URB1: variants seen among roughly 807,000 people sequenced by gnomAD.
URB1 encodes the protein URB1 ribosome biogenesis factor.
URB1 carries 197 observed loss-of-function variants against 242.3 expected under a neutral mutation model. The ratio of observed to expected loss-of-function variants is 0.81; its 90% CI spans 0.72 to 0.91. URB1 has a LOEUF of 0.91. URB1 is among the 40% of genes least tolerant of loss of function. The pLI, the probability that URB1 is intolerant of heterozygous loss-of-function variation, is 0.00. For missense variants in URB1, 2,721 were observed against 2,860.5 expected, an observed-to-expected ratio of 0.95 and a Z score of 1.11; for synonymous variants, 1,153 against 1,201.8, an observed-to-expected ratio of 0.96 and a Z score of 0.84.
chr21:32,368,727 C>T (rs1192832305), intron 8 of URB1, 129 bp from the exon 9 acceptor site: 4 of 802,466 alleles, frequency 5.0e-6, no homozygotes, highest in African/African-American at 1.7e-5. Flanking sequence ...GGGAATTTCC[C>T]CCAGGACGTA....
Position 32,347,057 on chromosome 21 carries a change from C to G in URB1, c.3767G>C (p.Gly1256Ala). Residue 1256 changes from glycine (G) to alanine (A), a missense_variant, in exon 22 of 39, where the codon GGC becomes GCC. Coordinates refer to ENST00000382751, the MANE Select transcript of URB1 (RefSeq NM_014825.3). ...LWFEQWCLQA[G>A]PGLGLQGDLD... Reference sequence around the variant, plus strand: ...GTCCCCCTGGAGGCCGAGCCCTGGGCCAGCCTGCAGGCACCACTGCTCGAA... The same window carrying G: ...GTCCCCCTGGAGGCCGAGCCCTGGGGCAGCCTGCAGGCACCACTGCTCGAA... 6.5e-7 allele frequency: 1 copy of G among 1,550,276 alleles called. No individual in the cohort carries two copies. The highest frequency in any genetic ancestry group is 1.2e-5 in the South Asian group (1 of 83,994).
rs2033027403 is a variant in URB1, at chr21:32,341,393, T to TA, written c.4316+72dup. The TA allele has an allele frequency of 2.1e-6, 3 of 1,435,488 alleles. No homozygotes were observed. In the African/African-American group the frequency reaches 4.3e-5, roughly 20 times the overall value. 88.9% of individuals were successfully genotyped at this position (1,435,488 alleles called of 1,614,324 possible). The stretch of plus-strand genomic sequence containing the variant: ...CGTGGATTATGCTAATAACAAGCTA[T>TA]AAAAGAGGCTTTGCATGCTGAACGA... On this transcript the variant is annotated intron_variant, in intron 25 of 38. Coordinates refer to ENST00000382751, the MANE Select transcript of URB1 (RefSeq NM_014825.3).
Position 32,357,520 on chromosome 21 carries a change from T to A in URB1, c.1989+17A>T, listed in dbSNP as rs769366426. 1.3e-6 allele frequency: 2 copies of A among 1,493,974 alleles called. No homozygotes were observed. The highest frequency in any genetic ancestry group is 1.7e-4 in the Middle Eastern group (1 of 5,760). The allele number at this position is 1,493,974 out of a possible 1,614,324, so 92.5% of individuals were successfully genotyped here. On this transcript the variant is annotated intron_variant, in intron 15 of 38. Coordinates refer to ENST00000382751, the MANE Select transcript of URB1 (RefSeq NM_014825.3). ...CAAAATGCTTTTCAGAGTTAGAAAC[T>A]GGTAGAAAATGCTCACCTTCATGAT...
intron 30 of URB1, 56 bp downstream of exon 30, chr21:32,333,261 T>C: frequency 1.4e-6 from 2 of 1,398,004 alleles, no homozygotes; most frequent in Non-Finnish European, 2.0e-6. Context: ...ATAATCAACC[T>C]GACCTCTGAG....
At chr21:32,332,097 T>C (rs547331332) in intron 30 of URB1, among the ~76,000 whole-genome samples, 2 of 152,298 alleles carry the variant, frequency 1.3e-5, no homozygotes, top group East Asian at 3.9e-4. Context: ...ACAGAGGCTG[T>C]AACAACTGAC....
chr21:32,366,696 C>T lies in URB1; in HGVS notation c.1257G>A (p.Leu419=), dbSNP rs1205834523. 1 of 1,551,446 alleles carries T rather than the reference C, an allele frequency of 6.4e-7. No individual in the cohort carries two copies. The highest frequency in any genetic ancestry group is 1.4e-5 in the African/African-American group (1 of 73,132). ...RAFQTREFIP[L]PRLLAMVMVT... ...CCATCACCATTGCCAGGAGCCGAGG[C>T]AAGGGTATAAACTCTCTGGTCTGAA... Residue 419 remains leucine, a synonymous_variant, in exon 10 of 39, where the codon TTG becomes TTA. Coordinates refer to ENST00000382751, the MANE Select transcript of URB1 (RefSeq NM_014825.3).
chr21:32,330,937 T>C (rs1462053487), intron 30 of URB1, among the ~76,000 whole-genome samples: 2 of 152,230 alleles, frequency 1.3e-5, no homozygotes, highest in Non-Finnish European at 2.9e-5. Flanking sequence ...AAGATCTCTA[T>C]GATATCCTAG....
At position 32,384,372 on chromosome 21, in the gene URB1, T is replaced by C. The variant is rs117976952; in HGVS notation, c.375A>G (p.Lys125=). The stretch of plus-strand genomic sequence containing the variant: ...GCTTCATGTGGTTGTTCATCAGCTT[T>C]TTCACAATGTTGGTTCCCACAACAT... The part of the protein sequence containing the change: ...HFHVVGTNIV[K]KLMNNHMKLI... The change falls in exon 3 of 39, where the codon AAA becomes AAG. Residue 125 remains lysine (K), a synonymous_variant. Coordinates refer to ENST00000382751, the MANE Select transcript of URB1 (RefSeq NM_014825.3). The C allele has an allele frequency of 9.3e-4, 1,444 of 1,552,300 alleles. 19 individuals are homozygous for C. In the East Asian group the frequency reaches 0.028, roughly 31 times the overall value.
intron 28 of URB1, among the ~76,000 whole-genome samples, chr21:32,334,882 T>G (rs909717228): frequency 6.6e-6 from 1 of 152,166 alleles, no homozygotes; most frequent in Non-Finnish European, 1.5e-5. Context: ...ACCATGTGTG[T>G]GCTATGGACA....
At chr21:32,374,791 A>G (rs1392868906) in intron 6 of URB1, among the ~76,000 whole-genome samples, 1 of 152,246 alleles carries the variant, frequency 6.6e-6, no homozygotes, top group African/African-American at 2.4e-5. Flanking sequence ...AAATGTCTTC[A>G]GAGATTGACA....
intron 1 of URB1, among the ~76,000 whole-genome samples, chr21:32,389,664 T>C (rs1439854335): frequency 6.6e-6 from 1 of 152,228 alleles, no homozygotes; most frequent in East Asian, 1.9e-4. Flanking sequence ...TAATCAGAAT[T>C]ACCACTTATG....
At chr21:32,363,460 C>T (rs879338746) in intron 10 of URB1, 131 bp from the exon 11 acceptor site, 64 of 1,179,960 alleles carry the variant, frequency 5.4e-5, no homozygotes, top group Admixed American at 7.8e-5. Flanking sequence ...CTGGTCTCTA[C>T]GCTCTGAGAA....
Position 32,350,872 on chromosome 21 carries a change from C to T in URB1, c.2664G>A (p.Ser888=), listed in dbSNP as rs1235696580. Residue 888 remains serine, a synonymous_variant, in exon 20 of 39, where the codon TCG becomes TCA. Transcript: ENST00000382751. ...SPSPPALPLA[S]SFTALLQAAY... ...CTGCCTGCAGCAGGGCTGTGAAGGA[C>T]GAGGCCAAGGGAAGGGCAGGGGGCG... The T allele has an allele frequency of 7.1e-6, 11 of 1,550,342 alleles. No individual in the cohort carries two copies. The highest frequency in any genetic ancestry group is 1.9e-4 in the Middle Eastern group (1 of 5,374).
intron 37 of URB1, 26 bp downstream of exon 37, chr21:32,317,650 G>C: frequency 6.5e-7 from 1 of 1,549,912 alleles, no homozygotes; most frequent in Non-Finnish European, 8.7e-7. Flanking sequence ...GGCTACTCTG[G>C]GCCAGTCCTG....
intron 35 of URB1, 31 bp downstream of exon 35, chr21:32,320,500 G>T: frequency 6.8e-7 from 1 of 1,467,268 alleles, no homozygotes; most frequent in South Asian, 1.2e-5. Flanking sequence ...CTTCCCACCT[G>T]ACGCGCACCT....
At chr21:32,376,645 T>G (rs2033462287) in intron 5 of URB1, among the ~76,000 whole-genome samples, 1 of 152,180 alleles carries the variant, frequency 6.6e-6, no homozygotes, top group African/African-American at 2.4e-5. Flanking sequence ...CAGCATGTTT[T>G]TTTTCTTTTT....
rs143923665 is a variant in URB1 at position 32,359,700 on chromosome 21, G to A, written c.1869+96C>T. 868 of 1,080,944 alleles carry A rather than the reference G, an allele frequency of 8.0e-4. 25 individuals are homozygous for A. In the East Asian group the frequency reaches 0.021, roughly 26 times the overall value. The allele number at this position is 1,080,944 out of a possible 1,614,324, so 67.0% of individuals were successfully genotyped here. A position where few individuals can be genotyped will look rare whatever the true frequency, so the allele number is the denominator to read the frequency against. Reference sequence around the variant, plus strand: ...CTGTTAACCTCTTCCGTCTTGCCCCGTCAGGTTCTGAGCCAATTAGCAATT... The same window carrying A: ...CTGTTAACCTCTTCCGTCTTGCCCCATCAGGTTCTGAGCCAATTAGCAATT... On this transcript the variant is annotated intron_variant, in intron 14 of 38. Transcript: ENST00000382751.
intron 30 of URB1, among the ~76,000 whole-genome samples, chr21:32,327,696 A>AGT (rs2032845675): frequency 6.6e-6 from 1 of 152,232 alleles, no homozygotes; most frequent in African/African-American, 2.4e-5. Flanking sequence ...AGCATACTGA[A>AGT]ATGTAATGCA....
At chr21:32,324,219 TATAA>T (rs1352909933) in intron 32 of URB1, among the ~76,000 whole-genome samples, 1 of 152,248 alleles carries the variant, frequency 6.6e-6, no homozygotes, top group African/African-American at 2.4e-5. Flanking sequence ...TTCCCTCCAT[TATAA>T]ATACTGTTCT....
Sources: allele counts gnomAD v4.1 joint callset (sites outside exome capture counted in the v4.1 genomes callset), GRCh38; gene constraint gnomAD v4.1.1; transcripts MANE v1.5; gene names NCBI Gene and HGNC (gene_info 2026-07-23, HGNC 2026-07-21).